Variants in LAD1 observed in about 807,000 individuals in gnomAD.
The protein encoded by LAD1 is ladinin 1.
LAD1 carries 53 observed loss-of-function variants against 54.2 expected under a neutral mutation model. That is an observed-to-expected ratio of 0.98 (90% CI 0.78 to 1.23). The LOEUF (loss-of-function observed/expected upper bound fraction) is 1.23, where lower values mean the gene tolerates loss of function less well. Ranked by LOEUF, LAD1 falls within the 50% of genes most tolerant of loss-of-function variation. The pLI, the probability that LAD1 is intolerant of heterozygous loss-of-function variation, is 0.00. For missense variants in LAD1, 637 were observed against 653.3 expected, an observed-to-expected ratio of 0.98 and a Z score of 0.27; for synonymous variants, 231 against 257.7, an observed-to-expected ratio of 0.90 and a Z score of 0.99.
chr1:201,387,429 G>A (rs760850740), intron 2 of LAD1, among the ~76,000 whole-genome samples: 10 of 152,192 alleles, frequency 6.6e-5, no homozygotes, highest in Non-Finnish European at 1.2e-4. Flanking sequence ...ATGTTCAGAC[G>A]TAGTCAACAG....
At chr1:201,389,031 GAAATTCATCATCACACCCTTCA>G in intron 2 of LAD1, 107 bp downstream of exon 2, 5 of 1,113,732 alleles carry the variant, frequency 4.5e-6, no homozygotes, top group Non-Finnish European at 6.5e-6. Flanking sequence ...TGGGGAACTG[GAAATTCATCATCACACCCTTCA>G]GCCTCATTTC....
In LAD1 at chr1:201,386,549, T is replaced by G. The variant is rs755007134; in HGVS notation, c.812A>C (p.Lys271Thr). ...CGGCTTAGCATCTGCAGTTGGGCTC[T>G]TCTCTGAGGCCAGTGCCTTCTCAAA... is the stretch of plus-strand genomic sequence containing the variant. ...SIFEKALASEKSPTADAKPAP... is the reference protein window; with the variant it reads ...SIFEKALASETSPTADAKPAP... Residue 271 changes from lysine to threonine, a missense_variant, in exon 3 of 10, where the codon AAG (lysine) becomes ACG (threonine). Physicochemically the swap from Lys to Thr is moderately conservative, Grantham distance 78. Coordinates refer to ENST00000391967, the MANE Select transcript of LAD1 (RefSeq NM_005558.4). 68 of 1,612,528 alleles carry G rather than the reference T, an allele frequency of 4.2e-5. No individual in the cohort carries two copies. Among genetic ancestry groups the G allele is most frequent in the Non-Finnish European group, 5.6e-5 (66 of 1,179,450 alleles).
At chr1:201,390,009 T>A (rs1171810080) in intron 1 of LAD1, among the ~76,000 whole-genome samples, 1 of 151,630 alleles carries the variant, frequency 6.6e-6, no homozygotes, top group East Asian at 2.0e-4. Context: ...AGCCCCAACC[T>A]CCCAGGCTCA....
chr1:201,391,913 T>C (rs1046076820), intron 1 of LAD1, among the ~76,000 whole-genome samples: 1 of 152,120 alleles, frequency 6.6e-6, no homozygotes, highest in Non-Finnish European at 1.5e-5. Context: ...GCAAATCAGG[T>C]TAAAAGGTTC....
rs201831898 is a variant in LAD1, at chr1:201,382,314, C to T, written c.1486G>A (p.Ala496Thr). ...GDQDPQEAQK[A>T]SSATERTQWG... Reference sequence around the variant, plus strand: ...TGAGTCCTCTCGGTTGCAGATGATGCTTTCTGTGCCTCCTGATTGAGGGTA... The same window carrying T: ...TGAGTCCTCTCGGTTGCAGATGATGTTTTCTGTGCCTCCTGATTGAGGGTA... The change falls in exon 9 of 10, where the codon GCA becomes ACA. Residue 496 changes from alanine (A) to threonine (T), a missense_variant. Ala to Thr is a moderately conservative substitution (Grantham distance 58). Coordinates refer to ENST00000391967, the MANE Select transcript of LAD1 (RefSeq NM_005558.4). The T allele has an allele frequency of 9.9e-6, 16 of 1,613,604 alleles. No individual in the cohort carries two copies. Among genetic ancestry groups the T allele is most frequent in the African/African-American group, 5.3e-5 (4 of 75,038 alleles).
intron 1 of LAD1, among the ~76,000 whole-genome samples, chr1:201,394,934 G>A (rs1662262826): frequency 6.6e-6 from 1 of 152,216 alleles, no homozygotes; most frequent in African/African-American, 2.4e-5. Context: ...AGCCCTTGGG[G>A]AAGTGGCCTA....
At chr1:201,385,551 T>C in intron 4 of LAD1, 150 bp downstream of exon 4, 1 of 706,752 alleles carries the variant, frequency 1.4e-6, no homozygotes, top group African/African-American at 1.8e-5. Flanking sequence ...AATACAACCT[T>C]GTTTGTTCAG....
chr1:201,384,818 T>C lies in LAD1; in HGVS notation c.1149A>G (p.Glu383=). Reference sequence around the variant, plus strand: ...TGCGAGTTAGGGTTGTTTCCGAGTTTTCTTTCTTGGGTTTCATCTGAAATG... The same window carrying C: ...TGCGAGTTAGGGTTGTTTCCGAGTTCTCTTTCTTGGGTTTCATCTGAAATG... The part of the protein sequence containing the change: ...TISFRMKPKK[E]NSETTLTRSA... Residue 383 remains glutamate, a synonymous_variant, in exon 5 of 10, where the codon GAA becomes GAG. Coordinates refer to ENST00000391967, the MANE Select transcript of LAD1 (RefSeq NM_005558.4). 6.2e-7 allele frequency: 1 copy of C among 1,614,076 alleles called. No individual in the cohort carries two copies. Among genetic ancestry groups the C allele is most frequent in the Non-Finnish European group, 8.5e-7 (1 of 1,180,026 alleles).
chr1:201,386,666 A>G lies in LAD1; in HGVS notation c.695T>C (p.Val232Ala). The G allele has an allele frequency of 1.2e-6, 2 of 1,614,120 alleles. No homozygotes were observed. The highest frequency in any genetic ancestry group is 1.7e-6 in the Non-Finnish European group (2 of 1,179,994). ...EKRNSSEKKSVLEKTSVSEKS... is the reference protein window; with the variant it reads ...EKRNSSEKKSALEKTSVSEKS... ...CTCAGAGACACTGGTTTTTTCTAGA[A>G]CAGACTTCTTCTCTGAGCTGTTTCT... Residue 232 changes from valine (V) to alanine (A), a missense_variant, in exon 3 of 10, where the codon GTT becomes GCT. Coordinates refer to ENST00000391967, the MANE Select transcript of LAD1 (RefSeq NM_005558.4).
At chr1:201,399,125 C>T in intron 1 of LAD1, 144 bp downstream of exon 1, 1 of 772,480 alleles carries the variant, frequency 1.3e-6, no homozygotes, top group South Asian at 1.7e-5. Context: ...TGGCCCCAAT[C>T]CTGTCTCCCG....
rs769121683 is a variant in LAD1, at chr1:201,382,242, C to T, written c.1548+10G>A. 6 of 1,610,620 alleles carry T rather than the reference C, an allele frequency of 3.7e-6. No individual in the cohort carries two copies. Among genetic ancestry groups the T allele is most frequent in the Non-Finnish European group, 5.1e-6 (6 of 1,177,346 alleles). ...TCCGCCGTAGGGCCAGGCTCCTCCCCACCATTCACCTCAGCGTCCAGCGAG... is the reference window on the plus strand; with the variant it reads ...TCCGCCGTAGGGCCAGGCTCCTCCCTACCATTCACCTCAGCGTCCAGCGAG... On this transcript the variant is annotated intron_variant, in intron 9 of 9. Transcript: ENST00000391967.
At chr1:201,397,900 A>C (rs1161702022) in intron 1 of LAD1, among the ~76,000 whole-genome samples, 1 of 152,176 alleles carries the variant, frequency 6.6e-6, no homozygotes, top group Non-Finnish European at 1.5e-5. Flanking sequence ...ACCCCCAGGC[A>C]CACTGACCCA....
intron 8 of LAD1, 106 bp downstream of exon 8, chr1:201,382,547 C>T (rs995602293): frequency 1.3e-5 from 13 of 973,942 alleles, no homozygotes; most frequent in Non-Finnish European, 1.9e-5. Flanking sequence ...GAAATGACTC[C>T]TCCTCTCCCG....
At chr1:201,392,990 T>C (rs1385662265) in intron 1 of LAD1, among the ~76,000 whole-genome samples, 1 of 151,526 alleles carries the variant, frequency 6.6e-6, no homozygotes, top group African/African-American at 2.4e-5. Flanking sequence ...GGATGTTGGG[T>C]GGGAGGAGGG....
intron 4 of LAD1, 135 bp from the exon 5 acceptor site, chr1:201,384,970 C>G (rs1002007591): frequency 1.3e-6 from 1 of 772,356 alleles, no homozygotes; most frequent in African/African-American, 1.8e-5. Context: ...GGGGTCAACC[C>G]CACCAAAGAA....
rs1243859445 is a variant in LAD1, at chr1:201,383,318, C to T, written c.1247G>A (p.Arg416Gln). The change falls in exon 6 of 10, where the codon CGG (arginine) becomes CAG (glutamine). Residue 416 changes from arginine (R) to glutamine (Q), a missense_variant and splice_region_variant. By Grantham distance (43) the Arg-to-Gln change is conservative. Coordinates refer to ENST00000391967, the MANE Select transcript of LAD1 (RefSeq NM_005558.4). ...EKLERYHTAI[R>Q]RSESVKSRGL... ...CCCTCAGGAGAAGCCCCCACCCACC[C>T]GTATGGCCGTGTGGTATCTCTCCAG... 34 of 1,613,918 alleles carry T rather than the reference C, an allele frequency of 2.1e-5. No homozygotes were observed. The highest frequency in any genetic ancestry group is 3.3e-5 in the Admixed American group (2 of 60,008).
intron 2 of LAD1, 35 bp downstream of exon 2, chr1:201,389,125 T>A (rs778639369): frequency 6.2e-7 from 1 of 1,604,608 alleles, no homozygotes; most frequent in Non-Finnish European, 8.5e-7. Context: ...AACCAGTCCA[T>A]CCCCATCCAT....
intron 2 of LAD1, among the ~76,000 whole-genome samples, chr1:201,387,737 G>A (rs961935482): frequency 6.6e-6 from 1 of 152,206 alleles, no homozygotes; most frequent in African/African-American, 2.4e-5. Context: ...AAGGCTGGGG[G>A]AGGGGAGGAC....
intron 1 of LAD1, among the ~76,000 whole-genome samples, chr1:201,392,468 G>T (rs1217066112): frequency 6.6e-6 from 1 of 152,238 alleles, no homozygotes; most frequent in African/African-American, 2.4e-5. Context: ...AAGGTGGCTG[G>T]GTGGGAAAGC....
Sources: gnomAD v4.1 joint callset for allele counts (sites outside exome capture counted in the v4.1 genomes callset) on GRCh38, gnomAD v4.1.1 for gene constraint, MANE v1.5 for transcripts, NCBI Gene and HGNC (gene_info 2026-07-23, HGNC 2026-07-21) for gene names.